The following FHAD1 variants were observed in gnomAD, a reference collection of about 807,000 sequenced individuals.
FHAD1 encodes the protein forkhead associated phosphopeptide binding domain 1, also known as forkhead-associated domain-containing protein 1.
FHAD1 carries 146 observed loss-of-function variants against 191.3 expected under a neutral mutation model. The observed-to-expected ratio is 0.76, with a 90% CI of 0.67 to 0.88. FHAD1 has a LOEUF of 0.88. Among genes scored for constraint, FHAD1 ranks in the 40% least tolerant of loss-of-function variants. The probability of loss-of-function intolerance (pLI) is 0.00; values close to 1 mark genes in which losing one functional copy is unlikely to be tolerated. For synonymous variants in FHAD1, 616 were observed against 672.3 expected (o/e 0.92, Z 1.29); for missense variants, 1,635 against 1,785.8 (o/e 0.92, Z 1.52).
In FHAD1 at chr1:15,341,862, A is replaced by G. The variant is rs960341060; in HGVS notation, c.2104A>G (p.Ile702Val). 3 of 1,551,564 alleles carry G rather than the reference A, an allele frequency of 1.9e-6. No individual in the cohort carries two copies. In the African/African-American group the frequency reaches 4.1e-5, roughly 21 times the overall value. Residue 702 changes from isoleucine (I) to valine (V), a missense_variant, in exon 16 of 34, where the codon ATC becomes GTC. Physicochemically the swap from Ile to Val is conservative, Grantham distance 29. Coordinates refer to ENST00000688493, the MANE Select transcript of FHAD1 (RefSeq NM_001391957.1). The stretch of plus-strand genomic sequence containing the variant: ...GCAAGAGGAGAAGCTCAAAGCCAAA[A>G]TCAGGCAACTGACGGAAGAGAAGGC... ...LEQEEKLKAK[I>V]RQLTEEKAAL...
intron 8 of FHAD1, among the ~76,000 whole-genome samples, chr1:15,314,749 TGGTGTGTGGG>T (rs1485421216): frequency 2.5e-5 from 1 of 40,112 alleles, no homozygotes; most frequent in Non-Finnish European, 5.2e-5. Flanking sequence ...TGTGTGAGTG[TGGTGTGTGGG>T]GGTGTATGGG....
chr1:15,374,890 G>T (rs1263266926), intron 27 of FHAD1, among the ~76,000 whole-genome samples: 1 of 137,402 alleles, frequency 7.3e-6, no homozygotes, highest in Non-Finnish European at 1.5e-5. Context: ...ACAGAGTCTC[G>T]CTCTGTCACC....
At chr1:15,273,144 A>G (rs1044146063) in intron 3 of FHAD1, among the ~76,000 whole-genome samples, 6 of 152,142 alleles carry the variant, frequency 3.9e-5, no homozygotes, top group African/African-American at 4.8e-5. Context: ...TAATTTTGTG[A>G]CTTGCCAGTG....
chr1:15,295,263 G>T (rs967951964), intron 4 of FHAD1, among the ~76,000 whole-genome samples: 4 of 152,118 alleles, frequency 2.6e-5, no homozygotes, highest in African/African-American at 9.7e-5. Flanking sequence ...CATGTCACTA[G>T]TTGTTATGCT....
intron 17 of FHAD1, 57 bp from the exon 18 acceptor site, chr1:15,345,356 GGCA>G (rs1688474198): frequency 7.4e-6 from 11 of 1,481,566 alleles, no homozygotes; most frequent in African/African-American, 1.4e-5. Context: ...TGCGGTGCCT[GGCA>G]GAGTCCAGTT....
At chr1:15,286,332 A>G (rs865861276) in intron 3 of FHAD1, among the ~76,000 whole-genome samples, 2 of 152,118 alleles carry the variant, frequency 1.3e-5, no homozygotes, top group African/African-American at 4.8e-5. Flanking sequence ...GCAAAACCCC[A>G]TTTCTACAAA....
chr1:15,328,674 C>T (rs962192418), intron 13 of FHAD1: 6 of 360,096 alleles, frequency 1.7e-5, no homozygotes, highest in South Asian at 1.1e-4. Flanking sequence ...TGACTTTGAG[C>T]GGCCCGCATC....
At chr1:15,246,486 G>GGGAGGTA (rs1646053095), upstream of FHAD1, among the ~76,000 whole-genome samples, 1 of 87,288 alleles carries the variant, frequency 1.1e-5, no homozygotes, top group Non-Finnish European at 3.3e-5. Context: ...TGGAGATAGT[G>GGGAGGTA]GCGGGAGATA....
At chr1:15,359,372 G>A (rs1343128106) in intron 21 of FHAD1, among the ~76,000 whole-genome samples, 2 of 152,068 alleles carry the variant, frequency 1.3e-5, no homozygotes, top group Non-Finnish European at 2.9e-5. Flanking sequence ...GTAGATCAGA[G>A]GCCAAGGCCC....
At chr1:15,401,353 C>G (rs1160665310), downstream of FHAD1, among the ~76,000 whole-genome samples, 1 of 152,214 alleles carries the variant, frequency 6.6e-6, no homozygotes, top group Non-Finnish European at 1.5e-5. Flanking sequence ...ACACAGCCCC[C>G]ACCCACTACT....
At chr1:15,301,135 T>A in intron 5 of FHAD1, 70 bp from the exon 6 acceptor site, 1 of 1,371,220 alleles carries the variant, frequency 7.3e-7, no homozygotes, top group South Asian at 1.4e-5. Flanking sequence ...CGGCCCCTAC[T>A]TTTTTTTAAT....
In FHAD1 at chr1:15,318,032, A is replaced by C; in HGVS notation, c.1365+104A>C. On this transcript the variant is annotated intron_variant, in intron 10 of 33. Transcript: ENST00000688493. The surrounding 1 kb of genome is among the most constrained non-coding windows in gnomAD (Gnocchi z 4.1). The stretch of plus-strand genomic sequence containing the variant: ...GACTATGCTGGTATTAACCCTTCTT[A>C]CAGCTGAGAAAACTGAGGCTCACAC... The C allele has an allele frequency of 1.4e-6, 1 of 700,686 alleles. No individual in the cohort carries two copies. Among genetic ancestry groups the C allele is most frequent in the Non-Finnish European group, 2.4e-6 (1 of 420,962 alleles). 43.4% of individuals were successfully genotyped at this position (700,686 alleles called of 1,614,324 possible).
At chr1:15,367,891 T>C (rs1204051491) in intron 25 of FHAD1, among the ~76,000 whole-genome samples, 3 of 152,164 alleles carry the variant, frequency 2.0e-5, no homozygotes, top group Non-Finnish European at 4.4e-5. Flanking sequence ...GTGCTTGGGC[T>C]CCCTCAGCCC....
intron 2 of FHAD1, among the ~76,000 whole-genome samples, chr1:15,262,694 G>A (rs988355919): frequency 5.3e-5 from 8 of 152,134 alleles, no homozygotes; most frequent in African/African-American, 1.9e-4. Flanking sequence ...TTTATCTTTT[G>A]TCTGTCCATG....
Position 15,329,798 on chromosome 1 carries a change from A to G in FHAD1, c.1906+257A>G, listed in dbSNP as rs1467235937. 2.0e-6 allele frequency: 1 copy of G among 498,630 alleles called. No individual in the cohort carries two copies. The highest frequency in any genetic ancestry group is 3.6e-6 in the Non-Finnish European group (1 of 276,514). The allele number at this position is 498,630 out of a possible 1,614,324, so 30.9% of individuals were successfully genotyped here. On this transcript the variant is annotated intron_variant, in intron 14 of 33. Coordinates refer to ENST00000688493, the MANE Select transcript of FHAD1 (RefSeq NM_001391957.1). The surrounding 1 kb of genome is among the most constrained non-coding windows in gnomAD (Gnocchi z 5.0). ...AAGGAAAATTAAATCGAAATTATGCAAAGTCTAATTACGCTGTTTAACCTC... is the reference window on the plus strand; with the variant it reads ...AAGGAAAATTAAATCGAAATTATGCGAAGTCTAATTACGCTGTTTAACCTC...
rs980025045 is a variant in FHAD1 at position 15,375,738 on chromosome 1, A to G, written c.3705+8A>G. 1 of 1,527,922 alleles carries G rather than the reference A, an allele frequency of 6.5e-7. No individual in the cohort carries two copies. Among genetic ancestry groups the G allele is most frequent in the African/African-American group, 1.4e-5 (1 of 71,594 alleles). 94.6% of individuals were successfully genotyped at this position (1,527,922 alleles called of 1,614,324 possible). ...AGAATAGAGATCCTAGCGGTAACCA[A>G]AGAAAATTCTCTCTGCTGTGACTGG... On this transcript the variant is annotated splice_region_variant and intron_variant, in intron 28 of 33. Coordinates refer to ENST00000688493, the MANE Select transcript of FHAD1 (RefSeq NM_001391957.1).
At chr1:15,296,877 C>A (rs1402433611) in intron 5 of FHAD1, 84 bp downstream of exon 5, 1 of 1,069,450 alleles carries the variant, frequency 9.4e-7, no homozygotes, top group Non-Finnish European at 1.4e-6. Context: ...CTGTGTGGCC[C>A]AGGAGTGCCC....
intron 28 of FHAD1, among the ~76,000 whole-genome samples, chr1:15,380,352 C>A (rs1431747564): frequency 6.6e-6 from 1 of 152,204 alleles, no homozygotes; most frequent in Non-Finnish European, 1.5e-5. Context: ...TCCCCGCCTG[C>A]AGTTGTGACA....
In FHAD1 at chr1:15,367,574, T is replaced by C; in HGVS notation, c.3266T>C (p.Leu1089Pro). The C allele has an allele frequency of 6.6e-7, 1 of 1,505,870 alleles. No individual in the cohort carries two copies. Among genetic ancestry groups the C allele is most frequent in the Non-Finnish European group, 8.9e-7 (1 of 1,126,510 alleles). 93.3% of individuals were successfully genotyped at this position (1,505,870 alleles called of 1,614,324 possible). Residue 1089 changes from leucine to proline, a missense_variant, in exon 25 of 34, where the codon CTG becomes CCG. Coordinates refer to ENST00000688493, the MANE Select transcript of FHAD1 (RefSeq NM_001391957.1). ...LKEKMAQMSSLVEKKDRELKA... is the reference protein window; with the variant it reads ...LKEKMAQMSSPVEKKDRELKA... ...GAGAAGATGGCCCAGATGAGCAGCC[T>C]GGTAGAAAAGAAAGATCGGGAGCTG...
Sources: gnomAD v4.1 joint callset for allele counts (sites outside exome capture counted in the v4.1 genomes callset) on GRCh38, gnomAD v4.1.1 for gene constraint, Gnocchi (gnomAD v3.1) non-coding constraint, MANE v1.5 for transcripts, NCBI Gene and HGNC (gene_info 2026-07-23, HGNC 2026-07-21) for gene names.